Variants in SAP130 observed in about 807,000 individuals in gnomAD.
The protein encoded by SAP130 is Sin3A associated protein 130.
In SAP130, 16 loss-of-function variants were observed where a neutral mutation model predicts 103.2. The ratio of observed to expected loss-of-function variants is 0.16; its 90% CI spans 0.10 to 0.24. SAP130 has a LOEUF of 0.24. Ranked by LOEUF, SAP130 falls within the 10% of genes least tolerant of loss-of-function variation. The pLI is 1.00. For synonymous variants in SAP130, 477 were observed against 497.0 expected (o/e 0.96, Z 0.53); for missense variants, 990 against 1,359.7 (o/e 0.73, Z 4.28).
In SAP130 at chr2:127,989,376, G is replaced by C. The variant is rs1421353615; in HGVS notation, c.1780+188C>G. 6.6e-6 allele frequency among the ~76,000 whole-genome samples: 1 copy of C among 152,024 alleles called. No individual in the cohort carries two copies. Among genetic ancestry groups the C allele is most frequent in the Non-Finnish European group, 1.5e-5 (1 of 67,992 alleles). On this transcript the variant is annotated intron_variant, in intron 13 of 20. Transcript: ENST00000643581. This position sits in a 1 kb window ranked among gnomAD's most constrained non-coding sequence, Gnocchi z 4.6. The stretch of plus-strand genomic sequence containing the variant: ...CCTCCCAAAGTGCTGGGATTACAGT[G>C]AGGTATATTATTTCTAACGTTTACA...
chr2:127,973,127 T>C (rs1177661828), intron 15 of SAP130, among the ~76,000 whole-genome samples: 1 of 152,232 alleles, frequency 6.6e-6, no homozygotes, highest in Admixed American at 6.5e-5. Flanking sequence ...CTATTTATAC[T>C]ACCTTCCACT....
At chr2:127,993,371 C>A (rs578237956) in intron 11 of SAP130, 63 bp from the exon 12 acceptor site, 24 of 1,514,948 alleles carry the variant, frequency 1.6e-5, no homozygotes, top group Non-Finnish European at 1.9e-5. Flanking sequence ...TCAAATGATC[C>A]TATACCCCAG....
chr2:128,026,967 C>A, intron 1 of SAP130: 1 of 922,938 alleles, frequency 1.1e-6, no homozygotes, highest in East Asian at 3.3e-5. Flanking sequence ...ACCGCGAAGC[C>A]CCCGCTGAGA....
At position 127,953,514 on chromosome 2, in the gene SAP130, C is replaced by A. The variant is rs559943016; in HGVS notation, c.2422+1472G>T. Among the ~76,000 whole-genome samples the A allele has an allele frequency of 6.6e-6, 1 of 152,312 alleles. No individual in the cohort carries two copies. Among genetic ancestry groups the A allele is most frequent in the African/African-American group, 2.4e-5 (1 of 41,566 alleles). On this transcript the variant is annotated intron_variant, in intron 16 of 20. Transcript: ENST00000643581. The surrounding 1 kb of genome is among the most constrained non-coding windows in gnomAD (Gnocchi z 4.0). ...CTCTGCTCCAACAGCTCCCTGCCAA[C>A]CCCAGCAAAGCCAAAACCTTTACAA...
chr2:128,027,602 G>A (rs1479909720), intron 1 of SAP130, among the ~76,000 whole-genome samples: 2 of 150,090 alleles, frequency 1.3e-5, no homozygotes, highest in East Asian at 2.0e-4. Flanking sequence ...ACTGCTCCAG[G>A]AGCCAAACTC....
intron 18 of SAP130, among the ~76,000 whole-genome samples, chr2:127,946,272 G>C (rs936200778): frequency 2.6e-5 from 4 of 152,170 alleles, no homozygotes; most frequent in Non-Finnish European, 5.9e-5. Flanking sequence ...TGTGGCAAAG[G>C]GAATTGGGGG....
intron 7 of SAP130, among the ~76,000 whole-genome samples, chr2:128,006,053 A>G (rs1683954724): frequency 6.6e-6 from 1 of 152,210 alleles, no homozygotes; most frequent in Admixed American, 6.5e-5. Context: ...GAATCAGGCA[A>G]TAAGGCAAAA....
intron 2 of SAP130, among the ~76,000 whole-genome samples, chr2:128,020,806 A>G (rs139854848): frequency 1.3e-5 from 2 of 151,644 alleles, no homozygotes; most frequent in Non-Finnish European, 2.9e-5. Context: ...CAAGACCATC[A>G]TCCAACATGG....
chr2:127,986,702 C>G lies in SAP130; in HGVS notation c.1958+83G>C. 3.6e-6 allele frequency: 5 copies of G among 1,372,918 alleles called. No homozygotes were observed. Among genetic ancestry groups the G allele is most frequent in the Non-Finnish European group, 5.0e-6 (5 of 994,970 alleles). 85.0% of individuals were successfully genotyped at this position (1,372,918 alleles called of 1,614,324 possible). ...AGAAAATGAGAGATGAGTTTGATACCAGCATTAGATAAGAGTGCCTATTAT... is the reference window on the plus strand; with the variant it reads ...AGAAAATGAGAGATGAGTTTGATACGAGCATTAGATAAGAGTGCCTATTAT... On this transcript the variant is annotated intron_variant, in intron 14 of 20. Coordinates refer to ENST00000643581, the MANE Select transcript of SAP130 (RefSeq NM_001330301.2). This position sits in a 1 kb window ranked among gnomAD's most constrained non-coding sequence, Gnocchi z 4.7.
intron 7 of SAP130, among the ~76,000 whole-genome samples, chr2:128,006,453 C>T (rs1045341387): frequency 6.6e-6 from 1 of 152,136 alleles, no homozygotes; most frequent in African/African-American, 2.4e-5. Flanking sequence ...ACTGATTTAT[C>T]TGGCCCCTTT....
intron 7 of SAP130, among the ~76,000 whole-genome samples, chr2:128,004,157 G>C (rs76435565): frequency 6.6e-6 from 1 of 151,522 alleles, no homozygotes; most frequent in Non-Finnish European, 1.5e-5. Flanking sequence ...TGTAGGCAGA[G>C]ACTGCCAGTG....
chr2:127,998,280 A>G (rs1683311451), intron 10 of SAP130, among the ~76,000 whole-genome samples: 1 of 152,244 alleles, frequency 6.6e-6, no homozygotes, highest in Non-Finnish European at 1.5e-5. Context: ...GAACATGATC[A>G]TATGTTGACC....
At chr2:127,980,280 C>T (rs909170534) in intron 14 of SAP130, among the ~76,000 whole-genome samples, 2 of 152,146 alleles carry the variant, frequency 1.3e-5, no homozygotes, top group South Asian at 2.1e-4. Context: ...ACCCCCAACA[C>T]TGGCCAAAAA....
rs1679779605 is a variant in SAP130 at position 127,955,505 on chromosome 2, G to C, written c.2064-161C>G. 6.6e-6 allele frequency among the ~76,000 whole-genome samples: 1 copy of C among 151,716 alleles called. No homozygotes were observed. ...AAATTTTTAATTTTAAAAAAATTTT[G>C]AGACAGGGTCTCACTCTGTTACCCA... On this transcript the variant is annotated intron_variant, in intron 15 of 20. Coordinates refer to ENST00000643581, the MANE Select transcript of SAP130 (RefSeq NM_001330301.2). The surrounding 1 kb of genome is among the most constrained non-coding windows in gnomAD (Gnocchi z 4.9).
intron 7 of SAP130, among the ~76,000 whole-genome samples, chr2:128,005,176 CAG>C (rs1276051625): frequency 1.3e-5 from 2 of 152,162 alleles, no homozygotes; most frequent in East Asian, 3.9e-4. Flanking sequence ...GGCAGAGCTC[CAG>C]AGAGAAACAG....
intron 15 of SAP130, among the ~76,000 whole-genome samples, chr2:127,962,622 A>G (rs1680336886): frequency 1.3e-5 from 2 of 151,998 alleles, no homozygotes; most frequent in African/African-American, 4.8e-5. Context: ...GCAAACTGTC[A>G]CAAGGACAAA....
At chr2:127,973,757 A>G (rs1681257949) in intron 15 of SAP130, among the ~76,000 whole-genome samples, 1 of 152,066 alleles carries the variant, frequency 6.6e-6, no homozygotes, top group East Asian at 1.9e-4. Flanking sequence ...GTACCTTCAA[A>G]TCATATCAAG....
At chr2:128,002,859 C>A (rs962260024) in intron 7 of SAP130, among the ~76,000 whole-genome samples, 2 of 152,192 alleles carry the variant, frequency 1.3e-5, no homozygotes, top group African/African-American at 4.8e-5. Context: ...TACAGTGGCT[C>A]ACGCTTGTAA....
intron 14 of SAP130, among the ~76,000 whole-genome samples, chr2:127,983,828 T>TG (rs1420236012): frequency 1.7e-5 from 2 of 119,980 alleles, no homozygotes; most frequent in African/African-American, 3.4e-5. Context: ...TTGTTGTTTT[T>TG]TTTTTTTTTT....
Sources: gnomAD v4.1 joint callset for allele counts (sites outside exome capture counted in the v4.1 genomes callset) on GRCh38, gnomAD v4.1.1 for gene constraint, Gnocchi (gnomAD v3.1) non-coding constraint, MANE v1.5 for transcripts, NCBI Gene and HGNC (gene_info 2026-07-23, HGNC 2026-07-21) for gene names.